The following CLSPN variants were observed in gnomAD, a reference collection of about 807,000 sequenced individuals.
CLSPN encodes the protein claspin homolog.
Under a neutral mutation model 156.3 loss-of-function variants are expected in CLSPN, and 85 were observed. The ratio of observed to expected loss-of-function variants is 0.54; its 90% CI spans 0.46 to 0.65. CLSPN has a LOEUF of 0.65. Among genes scored for constraint, CLSPN ranks in the 30% least tolerant of loss-of-function variants. CLSPN has a pLI of 0.00. For synonymous variants in CLSPN, 534 were observed against 542.4 expected, an observed-to-expected ratio of 0.98 and a Z score of 0.22; for missense variants, 1,407 against 1,554.9, an observed-to-expected ratio of 0.90 and a Z score of 1.60.
In CLSPN at chr1:35,743,492, C is replaced by T. The variant is rs200963718; in HGVS notation, c.3005G>A (p.Arg1002Gln). The T allele has an allele frequency of 8.1e-6, 13 of 1,613,702 alleles. No individual in the cohort carries two copies. Among genetic ancestry groups the T allele is most frequent in the East Asian group, 4.5e-5 (2 of 44,866 alleles). ...AAACTCATTATCATTTGAAACAAGC[C>T]GAAAGTCTCCAAATTCCTCCTCCTC... The part of the protein sequence containing the change: ...EDEEEEFGDF[R>Q]LVSNDNEFDS... The change falls in exon 17 of 25, where the codon CGG becomes CAG. Residue 1002 changes from arginine to glutamine, a missense_variant. Physicochemically the swap from Arg to Gln is conservative, Grantham distance 43. Transcript: ENST00000318121.
intron 14 of CLSPN, 147 bp from the exon 15 acceptor site, chr1:35,747,139 G>A (rs1641916769): frequency 1.6e-6 from 1 of 606,822 alleles, no homozygotes; most frequent in Admixed American, 2.9e-5. Flanking sequence ...TGGCTAACAT[G>A]GTGAAACCCC....
At chr1:35,756,448 T>C (rs888418632) in intron 8 of CLSPN, among the ~76,000 whole-genome samples, 1 of 152,214 alleles carries the variant, frequency 6.6e-6, no homozygotes, top group Non-Finnish European at 1.5e-5. Flanking sequence ...ACCACTTTCT[T>C]TGGCCTTTAT....
In CLSPN at chr1:35,733,309, CTTTT is replaced by C. The variant is rs1246528175; in HGVS notation, c.*3183_*3186del. 72 of 222,526 alleles carry C rather than the reference CTTTT, an allele frequency of 3.2e-4. No individual in the cohort carries two copies. The highest frequency in any genetic ancestry group is 1.8e-3 in the African/African-American group (71 of 39,852). The allele number at this position is 222,526 out of a possible 1,614,324, so 13.8% of individuals were successfully genotyped here. A position where few individuals can be genotyped will look rare whatever the true frequency, so the allele number is the denominator to read the frequency against. On this transcript the variant is annotated 3_prime_UTR_variant, in exon 25 of 25. Transcript: ENST00000318121. Reference sequence around the variant, plus strand: ...CCTGGATTTCTCAGGCACTAATTTTCTTTTTTTTTTCTTTTTTTTTTTTTTTTTA... The same window carrying C: ...CCTGGATTTCTCAGGCACTAATTTTCTTTTTTCTTTTTTTTTTTTTTTTTA...
intron 2 of CLSPN, 144 bp downstream of exon 2, chr1:35,765,074 G>A (rs1441772334): frequency 1.6e-6 from 1 of 611,094 alleles, no homozygotes. Context: ...TACAAGCACT[G>A]TTATTTTGCT....
chr1:35,760,934 A>C lies in CLSPN; in HGVS notation c.1005-18T>G, dbSNP rs1431016158. On this transcript the variant is annotated intron_variant, in intron 7 of 24. Coordinates refer to ENST00000318121, the MANE Select transcript of CLSPN (RefSeq NM_022111.4). ...TAGATGACCTAGAGAAGAGAAATTG[A>C]GCTGGAGTTGAAAATTATCCTAAAT... 2.0e-5 allele frequency: 32 copies of C among 1,573,982 alleles called. No individual in the cohort carries two copies. Among genetic ancestry groups the C allele is most frequent in the Non-Finnish European group, 2.8e-5 (32 of 1,150,260 alleles).
intron 10 of CLSPN, among the ~76,000 whole-genome samples, chr1:35,750,612 C>CA: frequency 1.3e-5 from 2 of 152,026 alleles, no homozygotes; most frequent in Admixed American, 1.3e-4. Context: ...AGGCTGTTCT[C>CA]AAACTCCTGA....
intron 18 of CLSPN, among the ~76,000 whole-genome samples, chr1:35,739,840 G>A (rs1353478900): frequency 1.3e-5 from 2 of 152,172 alleles, no homozygotes; most frequent in Non-Finnish European, 1.5e-5. Context: ...GTAAGATGTG[G>A]AGCATCTGTA....
Position 35,763,233 on chromosome 1 carries a change from T to C in CLSPN, c.671A>G (p.Asn224Ser). Residue 224 changes from asparagine to serine, a missense_variant, in exon 4 of 25, where the codon AAC becomes AGC. Physicochemically the swap from Asn to Ser is conservative, Grantham distance 46. This residue lies in a region of CLSPN where 1,096 missense variants were observed against 1,193.0 expected (regional missense o/e 0.92). Transcript: ENST00000318121. ...TGACTCTTCATCTTCCAATGGAGAG[T>C]TATTTTCATCCTCCAACCCAGTTTC... ...LFETGLEDEN[N>S]SPLEDEESLE... The C allele has an allele frequency of 6.2e-7, 1 of 1,609,894 alleles. No homozygotes were observed. The highest frequency in any genetic ancestry group is 8.5e-7 in the Non-Finnish European group (1 of 1,178,820).
intron 1 of CLSPN, among the ~76,000 whole-genome samples, chr1:35,765,544 T>TTTTTTA (rs1642642203): frequency 8.5e-5 from 13 of 152,122 alleles, no homozygotes; most frequent in South Asian, 8.3e-4. Context: ...ACTCTTTTAG[T>TTTTTTA]AACGGTAAAA....
At chr1:35,756,382 A>G (rs1218192679) in intron 8 of CLSPN, among the ~76,000 whole-genome samples, 1 of 152,214 alleles carries the variant, frequency 6.6e-6, no homozygotes, top group Non-Finnish European at 1.5e-5. Flanking sequence ...ATCTTCATTC[A>G]TAACTGGAGA....
downstream of CLSPN, among the ~76,000 whole-genome samples, chr1:35,727,877 TTGC>T (rs1452457956): frequency 6.6e-6 from 1 of 152,182 alleles, no homozygotes; most frequent in Non-Finnish European, 1.5e-5. Context: ...ACAAGTGCTA[TTGC>T]TGCCGCCAAA....
At chr1:35,742,386 G>A (rs1238331001) in intron 18 of CLSPN, among the ~76,000 whole-genome samples, 1 of 152,046 alleles carries the variant, frequency 6.6e-6, no homozygotes, top group Non-Finnish European at 1.5e-5. Flanking sequence ...TTTTGAGATG[G>A]AGTCTTGCTC....
rs767828773 is a variant in CLSPN, at chr1:35,734,531, A to T, written c.*1965T>A. The T allele has an allele frequency of 1.8e-5, 6 of 331,678 alleles. No individual in the cohort carries two copies. Among genetic ancestry groups the T allele is most frequent in the Non-Finnish European group, 2.6e-5 (6 of 232,622 alleles). The allele number at this position is 331,678 out of a possible 1,614,324, so 20.5% of individuals were successfully genotyped here. On this transcript the variant is annotated 3_prime_UTR_variant, in exon 25 of 25. Transcript: ENST00000318121. ...CTCATCTCTAATAAAAATACAAAAAATTAGCTGGGAGTGGTGGCAGGTGCC... is the reference window on the plus strand; with the variant it reads ...CTCATCTCTAATAAAAATACAAAAATTTAGCTGGGAGTGGTGGCAGGTGCC...
At chr1:35,740,255 G>C (rs1484413198) in intron 18 of CLSPN, among the ~76,000 whole-genome samples, 2 of 152,036 alleles carry the variant, frequency 1.3e-5, no homozygotes, top group East Asian at 1.9e-4. Flanking sequence ...CAGAGCTCCT[G>C]GTAATCAAAA....
rs775084128 is a variant in CLSPN at position 35,739,360 on chromosome 1, C to T, written c.3308+5G>A. ...TTACTCAGAAGGGCTTATTGGGATA[C>T]TGACATGTGTATTTTCTTGATTTGA... On this transcript the variant is annotated splice_donor_5th_base_variant and intron_variant, in intron 19 of 24. Transcript: ENST00000318121. 99 of 1,613,826 alleles carry T rather than the reference C, an allele frequency of 6.1e-5. 3 individuals are homozygous for T. In the South Asian group the frequency reaches 7.8e-4, roughly 13 times the overall value.
intron 9 of CLSPN, 36 bp from the exon 10 acceptor site, chr1:35,751,542 T>C: frequency 6.3e-7 from 1 of 1,583,032 alleles, no homozygotes; most frequent in Non-Finnish European, 8.6e-7. Flanking sequence ...TTAGACATAA[T>C]ACAATAATTA....
chr1:35,753,456 T>C (rs1642162257), intron 9 of CLSPN, among the ~76,000 whole-genome samples: 1 of 152,146 alleles, frequency 6.6e-6, no homozygotes, highest in Non-Finnish European at 1.5e-5. Context: ...CACGATATGG[T>C]TATAGAACCT....
intron 24 of CLSPN, among the ~76,000 whole-genome samples, chr1:35,724,018 G>T (rs1012946365): frequency 6.6e-6 from 1 of 152,094 alleles, no homozygotes; most frequent in African/African-American, 2.4e-5. Context: ...AGAAGAGTGG[G>T]CTATAACAAT....
chr1:35,753,527 TTATA>T (rs928567563), intron 9 of CLSPN, among the ~76,000 whole-genome samples: 4 of 148,010 alleles, frequency 2.7e-5, no homozygotes, highest in African/African-American at 1.1e-4. Context: ...ATGGGGTTTT[TTATA>T]ATAAGACAAA....
Sources: allele counts gnomAD v4.1 joint callset (sites outside exome capture counted in the v4.1 genomes callset), GRCh38; gene constraint gnomAD v4.1.1; regional missense constraint gnomAD v4.1.1; transcripts MANE v1.5; gene names NCBI Gene and HGNC (gene_info 2026-07-23, HGNC 2026-07-21).